CORIN: variants seen among roughly 807,000 people sequenced by gnomAD.
The protein encoded by CORIN is atrial natriuretic peptide-converting enzyme.
A neutral mutation model predicts 125.3 loss-of-function variants in CORIN; 117 were observed. That is an observed-to-expected ratio of 0.93 (90% CI 0.80 to 1.09). The LOEUF (loss-of-function observed/expected upper bound fraction) is 1.09. CORIN is among the 50% of genes least tolerant of loss of function. The probability of loss-of-function intolerance (pLI) is 0.00; values close to 1 mark genes in which losing one functional copy is unlikely to be tolerated. For synonymous variants in CORIN, 450 were observed against 466.4 expected, an observed-to-expected ratio of 0.96 and a Z score of 0.45; for missense variants, 1,253 against 1,306.7, an observed-to-expected ratio of 0.96 and a Z score of 0.63.
intron 21 of CORIN, among the ~76,000 whole-genome samples, chr4:47,598,865 T>C (rs1432764655): frequency 1.3e-5 from 2 of 152,204 alleles, no homozygotes; most frequent in Non-Finnish European, 2.9e-5. Context: ...TTAATATTGG[T>C]GTAATTACTA....
intron 2 of CORIN, among the ~76,000 whole-genome samples, chr4:47,803,740 A>G (rs1027641448): frequency 2.6e-5 from 4 of 152,252 alleles, no homozygotes; most frequent in African/African-American, 9.6e-5. Flanking sequence ...TAAGACTTCA[A>G]ACTATGAAAA....
At chr4:47,786,466 G>T (rs1233162765) in intron 3 of CORIN, among the ~76,000 whole-genome samples, 1 of 152,118 alleles carries the variant, frequency 6.6e-6, no homozygotes, top group East Asian at 1.9e-4. Context: ...GCTTAAACCT[G>T]GGAGGCGGAG....
intron 16 of CORIN, among the ~76,000 whole-genome samples, chr4:47,634,121 T>C (rs993224408): frequency 6.6e-5 from 10 of 152,146 alleles, no homozygotes; most frequent in Admixed American, 5.9e-4. Context: ...ATGTGGATGG[T>C]CTTCAGGATG....
intron 1 of CORIN, among the ~76,000 whole-genome samples, chr4:47,827,515 G>A (rs1017087047): frequency 6.6e-6 from 1 of 152,132 alleles, no homozygotes; most frequent in Non-Finnish European, 1.5e-5. Flanking sequence ...TTGAGCCCAT[G>A]TCTATGCACC....
intron 5 of CORIN, among the ~76,000 whole-genome samples, chr4:47,735,472 C>A (rs1728083666): frequency 6.6e-6 from 1 of 152,142 alleles, no homozygotes; most frequent in South Asian, 2.1e-4. Context: ...AATTTCTGTT[C>A]TATTTAAACA....
intron 5 of CORIN, among the ~76,000 whole-genome samples, chr4:47,700,709 T>C (rs541138402): frequency 2.0e-5 from 3 of 152,330 alleles, no homozygotes; most frequent in East Asian, 3.9e-4. Context: ...CTTTCCTGGC[T>C]GCCCCACACA....
chr4:47,644,961 A>C (rs988131022), intron 14 of CORIN, 120 bp downstream of exon 14: 6 of 569,890 alleles, frequency 1.1e-5, no homozygotes, highest in Non-Finnish European at 1.6e-5. Context: ...TGATCAAAAG[A>C]TGTGAAAATA....
At chr4:47,623,827 G>A (rs1560477249) in intron 18 of CORIN, 72 bp downstream of exon 18, 11 of 1,604,640 alleles carry the variant, frequency 6.9e-6, no homozygotes, top group Middle Eastern at 1.7e-4. Flanking sequence ...ACTTACAAGC[G>A]ATCACTCTTC....
chr4:47,836,300 T>A (rs548085628), intron 1 of CORIN, among the ~76,000 whole-genome samples: 3 of 145,952 alleles, frequency 2.1e-5, no homozygotes, highest in South Asian at 4.5e-4. Context: ...AGCTAATGAA[T>A]GTTTTGACTG....
chr4:47,595,618 C>A lies in CORIN; in HGVS notation c.*103G>T. 1 of 777,734 alleles carries A rather than the reference C, an allele frequency of 1.3e-6. No homozygotes were observed. Among genetic ancestry groups the A allele is most frequent in the Non-Finnish European group, 2.0e-6 (1 of 512,544 alleles). 48.2% of individuals were successfully genotyped at this position (777,734 alleles called of 1,614,324 possible). A position where few individuals can be genotyped will look rare whatever the true frequency, so the allele number is the denominator to read the frequency against. ...CAGTGCACGATTGAGCATTTCTGTC[C>A]ATGAAAAGTGCTTCTGTACAGCTCT... On this transcript the variant is annotated 3_prime_UTR_variant, in exon 22 of 22. Transcript: ENST00000273857.
intron 2 of CORIN, among the ~76,000 whole-genome samples, chr4:47,787,822 T>C (rs193010554): frequency 1.3e-5 from 2 of 152,360 alleles, no homozygotes; most frequent in Admixed American, 6.5e-5. Flanking sequence ...CCAAAGTTCA[T>C]TGTGTCATTC....
intron 15 of CORIN, 72 bp from the exon 16 acceptor site, chr4:47,642,121 GC>G: frequency 1.3e-6 from 2 of 1,489,396 alleles, no homozygotes; most frequent in South Asian, 1.2e-5. Context: ...AACTTTACAT[GC>G]CTCTGCTTCA....
chr4:47,804,331 A>G (rs1269877553), intron 2 of CORIN, among the ~76,000 whole-genome samples: 13 of 152,344 alleles, frequency 8.5e-5, no homozygotes, highest in African/African-American at 2.6e-4. Context: ...GAGCTATCAT[A>G]TAATCCAGCA....
intron 4 of CORIN, among the ~76,000 whole-genome samples, chr4:47,752,853 A>G (rs1427643779): frequency 6.6e-6 from 1 of 152,214 alleles, no homozygotes; most frequent in African/African-American, 2.4e-5. Context: ...GGGATGAGAG[A>G]TTAACAGATC....
chr4:47,658,435 C>T (rs1392949844), intron 12 of CORIN, among the ~76,000 whole-genome samples: 1 of 152,242 alleles, frequency 6.6e-6, no homozygotes, highest in East Asian at 1.9e-4. Flanking sequence ...GTGGATCTAC[C>T]ATTCTGGAGT....
chr4:47,690,378 C>T (rs561685703), intron 6 of CORIN, among the ~76,000 whole-genome samples: 1 of 152,316 alleles, frequency 6.6e-6, no homozygotes, highest in African/African-American at 2.4e-5. Context: ...GTAGATAACA[C>T]TTCCTATGCT....
intron 12 of CORIN, among the ~76,000 whole-genome samples, chr4:47,655,354 G>C (rs1723924547): frequency 6.6e-6 from 1 of 152,150 alleles, no homozygotes. Flanking sequence ...CAGCGGGGTA[G>C]AACATCAAGT....
intron 3 of CORIN, among the ~76,000 whole-genome samples, chr4:47,772,095 A>AGATAGAT (rs1175853309): frequency 4.6e-5 from 7 of 151,862 alleles, no homozygotes; most frequent in African/African-American, 1.7e-4. Context: ...ATAGATAGAT[A>AGATAGAT]GATAGATAGA....
At chr4:47,669,374 T>C (rs572014249) in intron 10 of CORIN, among the ~76,000 whole-genome samples, 2 of 152,242 alleles carry the variant, frequency 1.3e-5, no homozygotes, top group South Asian at 4.1e-4. Context: ...ATTCAAAAAT[T>C]CATCTTTGCC....
Sources: allele counts gnomAD v4.1 joint callset (sites outside exome capture counted in the v4.1 genomes callset), GRCh38; gene constraint gnomAD v4.1.1; transcripts MANE v1.5; gene names NCBI Gene and HGNC (gene_info 2026-07-23, HGNC 2026-07-21).